The following SRSF4 variants were observed in gnomAD, a reference collection of about 807,000 sequenced individuals.
SRSF4 encodes serine and arginine rich splicing factor 4.
Under a neutral mutation model 48.8 loss-of-function variants are expected in SRSF4, and 12 were observed. The ratio of observed to expected loss-of-function variants is 0.25; its 90% confidence interval spans 0.16 to 0.40. The LOEUF (loss-of-function observed/expected upper bound fraction) is 0.40, where lower values mean the gene tolerates loss of function less well. SRSF4 is among the 10% of genes least tolerant of loss of function. The pLI is 1.00. For synonymous variants in SRSF4, 248 were observed against 232.5 expected, an observed-to-expected ratio of 1.07 and a Z score of -0.61; for missense variants, 466 against 667.1, an observed-to-expected ratio of 0.70 and a Z score of 3.32.
chr1:29,173,168 T>C (rs1480082789), intron 1 of SRSF4: 5 of 137,642 alleles, frequency 3.6e-5, no homozygotes, highest in Middle Eastern at 4.0e-3. Flanking sequence ...GACAGAGTCT[T>C]GCTCTGTCAT....
rs755459699 is a variant in SRSF4, at chr1:29,148,903, C to T, written c.992G>A (p.Arg331Gln). The stretch of plus-strand genomic sequence containing the variant: ...GCCCCCTTTGCTCCTGCTCCGGCTC[C>T]GACTCTGGCGGAGGCTCTTCTCCTG... The part of the protein sequence containing the change: ...RSQEKSLRQS[R>Q]SRSRSKGGSR... Residue 331 changes from arginine (R) to glutamine (Q), a missense_variant, in exon 6 of 6, where the codon CGG becomes CAG. Around this residue, in one of 2 missense-constraint regions of SRSF4, gnomAD observed 402 missense variants for 437.0 expected, o/e 0.92. Transcript: ENST00000373795. 22 of 1,610,974 alleles carry T rather than the reference C, an allele frequency of 1.4e-5. No individual in the cohort carries two copies. The highest frequency in any genetic ancestry group is 2.7e-5 in the African/African-American group (2 of 74,574).
At chr1:29,150,695 A>T (rs968048179) in intron 4 of SRSF4, among the ~76,000 whole-genome samples, 3 of 152,154 alleles carry the variant, frequency 2.0e-5, no homozygotes, top group African/African-American at 2.4e-5. Context: ...AGCTCCTGAA[A>T]TTCTAACTGT....
Position 29,154,821 on chromosome 1 carries a change from A to G in SRSF4, c.453T>C (p.Ser151=). The G allele has an allele frequency of 5.6e-6, 9 of 1,614,212 alleles. No individual in the cohort carries two copies. Among genetic ancestry groups the G allele is most frequent in the Non-Finnish European group, 7.6e-6 (9 of 1,180,040 alleles). The change falls in exon 4 of 6, where the codon TCT becomes TCC. Residue 151 remains serine (S), a synonymous_variant. Transcript: ENST00000373795. ...ACTTTTCCAAAGCTCTTTTCATATC[A>G]GAATAAGATACAAATTCAATCACCC... ...NEGVIEFVSY[S]DMKRALEKLD...
intron 1 of SRSF4, among the ~76,000 whole-genome samples, chr1:29,165,220 G>A (rs867379210): frequency 6.6e-6 from 1 of 152,150 alleles, no homozygotes; most frequent in South Asian, 2.1e-4. Flanking sequence ...GTATAGACAG[G>A]TATCTGGATA....
intron 1 of SRSF4, among the ~76,000 whole-genome samples, chr1:29,168,191 A>T (rs1672695848): frequency 7.4e-6 from 1 of 134,954 alleles, no homozygotes; most frequent in African/African-American, 2.8e-5. Context: ...ATTTTTTGTA[A>T]TTTTTTTTTT....
Position 29,154,859 on chromosome 1 carries a change from G to A in SRSF4, c.415C>T (p.Arg139Cys). The A allele has an allele frequency of 2.5e-6, 4 of 1,613,364 alleles. No homozygotes were observed. Among genetic ancestry groups the A allele is most frequent in the Non-Finnish European group, 3.4e-6 (4 of 1,179,882 alleles). Residue 139 changes from arginine (R) to cysteine (C), a missense_variant, in exon 4 of 6, where the codon CGC becomes TGC. Coordinates refer to ENST00000373795, the MANE Select transcript of SRSF4 (RefSeq NM_005626.5). Reference sequence around the variant, plus strand: ...AATTCAATCACCCCTTCATTTTTGCGTCCCTTGTGAGCATCTGCATAAGTC... The same window carrying A: ...AATTCAATCACCCCTTCATTTTTGCATCCCTTGTGAGCATCTGCATAAGTC... ...EVTYADAHKGRKNEGVIEFVS... is the reference protein window; with the variant it reads ...EVTYADAHKGCKNEGVIEFVS...
At chr1:29,179,156 T>C (rs994458143) in intron 1 of SRSF4, among the ~76,000 whole-genome samples, 31 of 152,216 alleles carry the variant, frequency 2.0e-4, no homozygotes, top group African/African-American at 5.8e-4. Context: ...TTCCTACTCA[T>C]TGATTTCGAA....
At position 29,150,102 on chromosome 1, in the gene SRSF4, C is replaced by A; in HGVS notation, c.668+1G>T. The A allele has an allele frequency of 6.2e-7, 1 of 1,603,840 alleles. No individual in the cohort carries two copies. The highest frequency in any genetic ancestry group is 1.4e-5 in the African/African-American group (1 of 72,500). ...CTCTACTTATAACATGGAAGACATA[C>A]CTGGACCGAGATCTACTCTTAGAAT... On this transcript the variant is annotated splice_donor_variant, in intron 5 of 5. Coordinates refer to ENST00000373795, the MANE Select transcript of SRSF4 (RefSeq NM_005626.5). LOFTEE classifies it high-confidence loss of function.
At chr1:29,177,281 T>G (rs1024964305) in intron 1 of SRSF4, among the ~76,000 whole-genome samples, 187 of 137,768 alleles carry the variant, frequency 1.4e-3, no homozygotes, top group African/African-American at 4.9e-3. Flanking sequence ...GTAACTCTTT[T>G]TGTTTTTTTT....
At chr1:29,163,042 G>C (rs1333295649) in intron 1 of SRSF4, among the ~76,000 whole-genome samples, 1 of 152,198 alleles carries the variant, frequency 6.6e-6, no homozygotes, top group East Asian at 1.9e-4. Flanking sequence ...GTTCAGTGGA[G>C]GCAGGTTAAT....
chr1:29,181,717 C>T lies in SRSF4; in HGVS notation c.36G>A (p.Gln12=), dbSNP rs1672961442. 6.3e-7 allele frequency: 1 copy of T among 1,594,604 alleles called. No homozygotes were observed. The highest frequency in any genetic ancestry group is 8.5e-7 in the Non-Finnish European group (1 of 1,172,822). Residue 12 remains glutamine (Q), a synonymous_variant, in exon 1 of 6, where the codon CAG becomes CAA. Coordinates refer to ENST00000373795, the MANE Select transcript of SRSF4 (RefSeq NM_005626.5). ...PRVYIGRLSY[Q]ARERDVERFF... ...AGCGCTCCACATCGCGCTCCCGGGC[C>T]TGGTAGCTCAGGCGGCCGATGTACA... is the stretch of plus-strand genomic sequence containing the variant.
Position 29,148,358 on chromosome 1 carries a change from C to A in SRSF4, c.*52G>T. Reference sequence around the variant, plus strand: ...ACTCCAATCACTTGTGCTACGGCTACCAAACATGTACAAAAGACTTCTCGG... The same window carrying A: ...ACTCCAATCACTTGTGCTACGGCTAACAAACATGTACAAAAGACTTCTCGG... On this transcript the variant is annotated 3_prime_UTR_variant, in exon 6 of 6. Coordinates refer to ENST00000373795, the MANE Select transcript of SRSF4 (RefSeq NM_005626.5). The A allele has an allele frequency of 6.4e-7, 1 of 1,552,920 alleles. No homozygotes were observed. The highest frequency in any genetic ancestry group is 8.7e-7 in the Non-Finnish European group (1 of 1,149,748).
At chr1:29,174,271 G>A (rs1672800206) in intron 1 of SRSF4, among the ~76,000 whole-genome samples, 2 of 151,858 alleles carry the variant, frequency 1.3e-5, no homozygotes, top group Non-Finnish European at 2.9e-5. Context: ...TTAATTTACC[G>A]AGTAATGGAA....
chr1:29,164,306 C>T (rs1434715759), intron 1 of SRSF4, among the ~76,000 whole-genome samples: 3 of 152,172 alleles, frequency 2.0e-5, no homozygotes, highest in Non-Finnish European at 2.9e-5. Context: ...TTTAACTGTT[C>T]CTGAATTAAT....
chr1:29,159,335 C>T (rs1427797172), intron 3 of SRSF4, 39 bp downstream of exon 3: 1 of 1,477,400 alleles, frequency 6.8e-7, no homozygotes, highest in Non-Finnish European at 9.4e-7. Flanking sequence ...ACTTTAACTC[C>T]TGCCCAACCT....
intron 4 of SRSF4, among the ~76,000 whole-genome samples, chr1:29,150,657 T>C (rs530535482): frequency 6.6e-6 from 1 of 152,314 alleles, no homozygotes; most frequent in East Asian, 1.9e-4. Flanking sequence ...AAACCTTCCA[T>C]CTGGATGGTT....
At position 29,147,920 on chromosome 1, in the gene SRSF4, C is replaced by T; in HGVS notation, c.*490G>A. ...ACAGTTTATTTCCTATGGGTTACTG[C>T]AGGTATCAATTTTCCTCGACTGTGC... On this transcript the variant is annotated 3_prime_UTR_variant, in exon 6 of 6. Transcript: ENST00000373795. The T allele has an allele frequency of 2.8e-6, 1 of 351,754 alleles. No individual in the cohort carries two copies. Among genetic ancestry groups the T allele is most frequent in the Non-Finnish European group, 5.8e-6 (1 of 173,484 alleles). The allele number at this position is 351,754 out of a possible 1,614,324, so 21.8% of individuals were successfully genotyped here. A position where few individuals can be genotyped will look rare whatever the true frequency, so the allele number is the denominator to read the frequency against.
chr1:29,165,595 A>T (rs1309950207), intron 1 of SRSF4, among the ~76,000 whole-genome samples: 1 of 152,220 alleles, frequency 6.6e-6, no homozygotes, highest in Non-Finnish European at 1.5e-5. Flanking sequence ...AGAACAGCTT[A>T]GGGTCACTTC....
chr1:29,159,683 T>C (rs902354867), intron 2 of SRSF4, 197 bp from the exon 3 acceptor site: 2 of 451,426 alleles, frequency 4.4e-6, no homozygotes, highest in Admixed American at 3.8e-5. Context: ...ATTTAAAAAG[T>C]TGTAAGTATA....
Sources: gnomAD v4.1 joint callset for allele counts (sites outside exome capture counted in the v4.1 genomes callset) on GRCh38, gnomAD v4.1.1 for gene constraint, gnomAD v4.1.1 regional missense constraint, MANE v1.5 for transcripts, NCBI Gene and HGNC (gene_info 2026-07-23, HGNC 2026-07-21) for gene names.